AHCYL2: variants seen among roughly 807,000 people sequenced by gnomAD.
AHCYL2 encodes S-adenosylhomocysteine hydrolase-like protein 2.
In AHCYL2, 28 loss-of-function variants were observed where a neutral mutation model predicts 81.4. The observed-to-expected ratio is 0.34, with a 90% CI of 0.25 to 0.47. The LOEUF (loss-of-function observed/expected upper bound fraction) is 0.47. Ranked by LOEUF, AHCYL2 falls within the 20% of genes least tolerant of loss-of-function variation. The probability of loss-of-function intolerance (pLI) is 1.00; values close to 1 mark genes in which losing one functional copy is unlikely to be tolerated. For missense variants in AHCYL2, 551 were observed against 785.1 expected, an observed-to-expected ratio of 0.70 and a Z score of 3.56; for synonymous variants, 272 against 290.2, an observed-to-expected ratio of 0.94 and a Z score of 0.64.
chr7:129,387,398 C>T (rs1403442692), intron 2 of AHCYL2, among the ~76,000 whole-genome samples: 6 of 152,198 alleles, frequency 3.9e-5, no homozygotes, highest in Non-Finnish European at 1.5e-5. Context: ...CCACTTTATA[C>T]ACCCAAAAAC....
chr7:129,348,803 T>G (rs1793451061), intron 1 of AHCYL2, among the ~76,000 whole-genome samples: 1 of 152,168 alleles, frequency 6.6e-6, no homozygotes, highest in East Asian at 1.9e-4. Flanking sequence ...CCTGAATGGA[T>G]CAATGAACCT....
chr7:129,377,750 C>CT, intron 1 of AHCYL2: 1 of 371,486 alleles, frequency 2.7e-6, no homozygotes. Flanking sequence ...ATTGTATGAG[C>CT]TTTTTTTCCC....
At chr7:129,412,529 C>T (rs548547471) in intron 11 of AHCYL2, among the ~76,000 whole-genome samples, 6 of 151,706 alleles carry the variant, frequency 4.0e-5, no homozygotes, top group Non-Finnish European at 8.8e-5. Flanking sequence ...AATCCACCCC[C>T]CTCAGCCTCC....
chr7:129,270,571 T>C (rs1417555972), intron 1 of AHCYL2, among the ~76,000 whole-genome samples: 1 of 152,182 alleles, frequency 6.6e-6, no homozygotes. Flanking sequence ...TGTGAAAAAG[T>C]AAGGAAAATC....
chr7:129,229,208 C>T (rs894899730), intron 1 of AHCYL2, among the ~76,000 whole-genome samples: 3 of 152,148 alleles, frequency 2.0e-5, no homozygotes, highest in African/African-American at 7.2e-5. Flanking sequence ...GCTGGGATTA[C>T]AGGCATGCAC....
chr7:129,350,216 T>C (rs556651142), intron 1 of AHCYL2, among the ~76,000 whole-genome samples: 1 of 152,304 alleles, frequency 6.6e-6, no homozygotes, highest in East Asian at 1.9e-4. Flanking sequence ...CTGTGTCTTA[T>C]GAGCTCTGAT....
intron 1 of AHCYL2, among the ~76,000 whole-genome samples, chr7:129,278,070 C>T (rs1388087316): frequency 6.6e-6 from 1 of 152,164 alleles, no homozygotes; most frequent in Non-Finnish European, 1.5e-5. Flanking sequence ...TCCTCATCAA[C>T]ATTTGGTATG....
At chr7:129,226,704 A>C (rs1313159803) in intron 1 of AHCYL2, among the ~76,000 whole-genome samples, 2 of 152,214 alleles carry the variant, frequency 1.3e-5, no homozygotes, top group African/African-American at 4.8e-5. Flanking sequence ...GGCAAGACTG[A>C]AGGAATTTCT....
chr7:129,289,868 C>T (rs886568124), intron 1 of AHCYL2, among the ~76,000 whole-genome samples: 33 of 151,772 alleles, frequency 2.2e-4, no homozygotes, highest in Middle Eastern at 3.4e-3. Flanking sequence ...CTGCAACCTC[C>T]GCCTCTAGGG....
intron 1 of AHCYL2, among the ~76,000 whole-genome samples, chr7:129,237,082 A>G (rs1794667505): frequency 6.6e-6 from 1 of 151,960 alleles, no homozygotes; most frequent in Admixed American, 6.6e-5. Context: ...GTTTCTTGTA[A>G]CATTGTTTAT....
rs184454314 is a variant in AHCYL2, at chr7:129,336,967, G to A, written c.364-42671G>A. ...TCATCATGTTGCCTAGGCTAGTCTC[G>A]AACTCCTGGACTCAAGTGATCCTTC... On this transcript the variant is annotated intron_variant, in intron 1 of 16. Transcript: ENST00000325006. Among the ~76,000 whole-genome samples, 919 of 152,044 alleles carry A rather than the reference G, an allele frequency of 6.0e-3. 7 individuals are homozygous for A. The highest frequency in any genetic ancestry group is 0.021 in the African/African-American group (876 of 41,456).
At chr7:129,410,386 A>C in intron 11 of AHCYL2, 2 of 1,612,538 alleles carry the variant, frequency 1.2e-6, no homozygotes, top group Non-Finnish European at 1.7e-6. Flanking sequence ...AGTCAACACT[A>C]AGGGCCAAAC....
chr7:129,305,851 A>G (rs1797421777), intron 1 of AHCYL2, among the ~76,000 whole-genome samples: 2 of 152,092 alleles, frequency 1.3e-5, no homozygotes, highest in African/African-American at 4.8e-5. Flanking sequence ...TTTGAAGCAT[A>G]TTTTCACTGG....
At chr7:129,269,573 C>T (rs561117248) in intron 1 of AHCYL2, among the ~76,000 whole-genome samples, 6 of 128,108 alleles carry the variant, frequency 4.7e-5, no homozygotes, top group East Asian at 2.3e-4. Flanking sequence ...AGGCGGGAGC[C>T]ACTGTGCCGG....
At chr7:129,416,004 A>C (rs551001880) in intron 12 of AHCYL2, among the ~76,000 whole-genome samples, 1 of 152,120 alleles carries the variant, frequency 6.6e-6, no homozygotes, top group Non-Finnish European at 1.5e-5. Flanking sequence ...ACGCCATTGC[A>C]CTCCAGCCTG....
intron 1 of AHCYL2, among the ~76,000 whole-genome samples, chr7:129,287,075 C>A (rs1163696663): frequency 6.6e-6 from 1 of 152,206 alleles, no homozygotes; most frequent in Middle Eastern, 3.2e-3. Context: ...ATATTCCTGC[C>A]ATCTCTTTGA....
intron 1 of AHCYL2, among the ~76,000 whole-genome samples, chr7:129,364,685 A>G (rs1178879176): frequency 1.3e-5 from 2 of 152,328 alleles, no homozygotes; most frequent in South Asian, 2.1e-4. Flanking sequence ...GAAATATTCT[A>G]ACGGTTGGGC....
intron 11 of AHCYL2, among the ~76,000 whole-genome samples, chr7:129,410,585 T>G (rs1796519597): frequency 6.6e-6 from 1 of 152,260 alleles, no homozygotes; most frequent in Admixed American, 6.5e-5. Context: ...ACTTGATTTT[T>G]TATTTTACCT....
intron 1 of AHCYL2, among the ~76,000 whole-genome samples, chr7:129,337,524 T>G (rs188997457): frequency 1.7e-3 from 254 of 151,992 alleles, no homozygotes; most frequent in African/African-American, 5.9e-3. Flanking sequence ...TTCAGGCTCC[T>G]GAGTAGCTAG....
Sources: gnomAD v4.1 joint callset for allele counts (sites outside exome capture counted in the v4.1 genomes callset) on GRCh38, gnomAD v4.1.1 for gene constraint, MANE v1.5 for transcripts, NCBI Gene and HGNC (gene_info 2026-07-23, HGNC 2026-07-21) for gene names.